KCTD16: variants seen among roughly 807,000 people sequenced by gnomAD.
KCTD16 encodes the protein BTB/POZ domain-containing protein KCTD16.
In KCTD16, 13 loss-of-function variants were observed where a neutral mutation model predicts 33.2. The ratio of observed to expected loss-of-function variants is 0.39; its 90% CI spans 0.25 to 0.62. The LOEUF (loss-of-function observed/expected upper bound fraction) is 0.62, where lower values mean the gene tolerates loss of function less well. Ranked by LOEUF, KCTD16 falls within the 20% of genes least tolerant of loss-of-function variation. The pLI, the probability that KCTD16 is intolerant of heterozygous loss-of-function variation, is 0.50. For synonymous variants in KCTD16, 197 were observed against 195.3 expected (o/e 1.01, Z -0.07); for missense variants, 441 against 525.1 (o/e 0.84, Z 1.57).
chr5:144,445,930 G>T (rs1355401709), intron 3 of KCTD16, among the ~76,000 whole-genome samples: 1 of 151,822 alleles, frequency 6.6e-6, no homozygotes, highest in African/African-American at 2.4e-5. Flanking sequence ...TTCTGTTTTT[G>T]GTCTTAAATT....
intron 3 of KCTD16, among the ~76,000 whole-genome samples, chr5:144,279,749 T>C (rs1755548978): frequency 1.3e-5 from 2 of 152,254 alleles, no homozygotes; most frequent in Admixed American, 1.3e-4. Context: ...TGGAACCTAA[T>C]CACCTTTTAA....
chr5:144,293,173 C>T (rs554406913), intron 3 of KCTD16, among the ~76,000 whole-genome samples: 2 of 152,310 alleles, frequency 1.3e-5, no homozygotes, highest in East Asian at 1.9e-4. Flanking sequence ...CTTGCACTCT[C>T]CTCTCGGAAG....
In KCTD16 at chr5:144,270,660, C is replaced by G. The variant is rs147438499; in HGVS notation, c.832+63114C>G. ...AAAAAAGGGCAAGCTAAACTCAAAGCTAGTAGACTAAAGGAAATAACAAAG... is the reference window on the plus strand; with the variant it reads ...AAAAAAGGGCAAGCTAAACTCAAAGGTAGTAGACTAAAGGAAATAACAAAG... On this transcript the variant is annotated intron_variant, in intron 3 of 3. Coordinates refer to ENST00000512467, the MANE Select transcript of KCTD16 (RefSeq NM_020768.4). Among the ~76,000 whole-genome samples the G allele has an allele frequency of 5.1e-3, 757 of 147,912 alleles. 10 individuals are homozygous for G. The highest frequency in any genetic ancestry group is 0.018 in the African/African-American group (721 of 40,698).
At chr5:144,357,408 G>A (rs977508931) in intron 3 of KCTD16, among the ~76,000 whole-genome samples, 7 of 152,188 alleles carry the variant, frequency 4.6e-5, no homozygotes, top group Non-Finnish European at 8.8e-5. Context: ...AATCTTAGGC[G>A]ATGTAGGATC....
At chr5:144,465,185 C>CG (rs1469408866) in intron 3 of KCTD16, among the ~76,000 whole-genome samples, 3 of 100,528 alleles carry the variant, frequency 3.0e-5, no homozygotes, top group Non-Finnish European at 2.0e-5. Flanking sequence ...TCTCTCTCCC[C>CG]CCCCTCTCTC....
intron 3 of KCTD16, among the ~76,000 whole-genome samples, chr5:144,212,253 A>C (rs1753420345): frequency 6.6e-6 from 1 of 152,128 alleles, no homozygotes; most frequent in Non-Finnish European, 1.5e-5. Context: ...GGCTTAATAG[A>C]ACAGTGATTT....
chr5:144,248,851 A>T (rs1388402591), intron 3 of KCTD16, among the ~76,000 whole-genome samples: 1 of 152,178 alleles, frequency 6.6e-6, no homozygotes, highest in African/African-American at 2.4e-5. Context: ...GGACATGTTG[A>T]GTTTGACATG....
intron 3 of KCTD16, among the ~76,000 whole-genome samples, chr5:144,399,902 T>C (rs187505478): frequency 3.7e-4 from 57 of 152,282 alleles, no homozygotes; most frequent in African/African-American, 1.3e-3. Flanking sequence ...ACTTCTTTTT[T>C]TGAGAATATA....
Position 144,327,193 on chromosome 5 carries a change from G to A in KCTD16, c.832+119647G>A, listed in dbSNP as rs140684298. On this transcript the variant is annotated intron_variant, in intron 3 of 3. Transcript: ENST00000512467. ...GTATTTTTTAAGGCTACATAATATT[G>A]GTGGCCTGCAGCTAAGAACCTATGT... Among the ~76,000 whole-genome samples the A allele has an allele frequency of 3.6e-3, 554 of 152,148 alleles. 3 individuals carry two copies. The highest frequency in any genetic ancestry group is 0.013 in the African/African-American group (534 of 41,536).
intron 3 of KCTD16, among the ~76,000 whole-genome samples, chr5:144,227,539 G>A (rs1162337601): frequency 6.6e-6 from 1 of 152,200 alleles, no homozygotes; most frequent in East Asian, 1.9e-4. Context: ...TGGGTTTTCA[G>A]CAGGTAAGTG....
intron 2 of KCTD16, among the ~76,000 whole-genome samples, chr5:144,192,400 C>T (rs1752860467): frequency 6.6e-6 from 1 of 152,144 alleles, no homozygotes; most frequent in African/African-American, 2.4e-5. Context: ...CAAGTTCTGC[C>T]TTTTTATAGT....
At chr5:144,209,126 C>T (rs911844140) in intron 3 of KCTD16, among the ~76,000 whole-genome samples, 2 of 152,100 alleles carry the variant, frequency 1.3e-5, no homozygotes, top group Admixed American at 6.5e-5. Context: ...CCATGTTCTC[C>T]GATTTTGAAT....
chr5:144,294,677 A>G (rs1398310959), intron 3 of KCTD16, among the ~76,000 whole-genome samples: 1 of 152,172 alleles, frequency 6.6e-6, no homozygotes, highest in African/African-American at 2.4e-5. Flanking sequence ...GGGTGGCAAA[A>G]TAGCTCAGTT....
At chr5:144,310,258 C>T (rs995254045) in intron 3 of KCTD16, among the ~76,000 whole-genome samples, 18 of 152,198 alleles carry the variant, frequency 1.2e-4, no homozygotes, top group African/African-American at 4.3e-4. Context: ...GAATAGTATA[C>T]CACTGTGTAT....
chr5:144,257,494 T>TC (rs1234463870), intron 3 of KCTD16, among the ~76,000 whole-genome samples: 1 of 151,956 alleles, frequency 6.6e-6, no homozygotes, highest in African/African-American at 2.4e-5. Context: ...AGTCATAGTT[T>TC]CTTTTTTTTT....
chr5:144,184,543 T>C (rs1374147186), intron 2 of KCTD16, among the ~76,000 whole-genome samples: 1 of 152,216 alleles, frequency 6.6e-6, no homozygotes, highest in Non-Finnish European at 1.5e-5. Context: ...TAGAATTGCC[T>C]GATCATATGG....
chr5:144,242,761 G>C (rs981498996), intron 3 of KCTD16, among the ~76,000 whole-genome samples: 1 of 152,018 alleles, frequency 6.6e-6, no homozygotes, highest in African/African-American at 2.4e-5. Context: ...GGAAGCAAGG[G>C]GAGGAGGAGG....
chr5:144,198,939 C>T (rs1162288068), intron 2 of KCTD16, among the ~76,000 whole-genome samples: 2 of 152,196 alleles, frequency 1.3e-5, no homozygotes, highest in African/African-American at 2.4e-5. Flanking sequence ...CTCTTTCAAA[C>T]TCTGTTCTGC....
At chr5:144,412,261 G>A (rs940314275) in intron 3 of KCTD16, among the ~76,000 whole-genome samples, 10 of 152,126 alleles carry the variant, frequency 6.6e-5, no homozygotes, top group Non-Finnish European at 1.3e-4. Context: ...GCCAAAATAT[G>A]GAATCAACCT....
Sources: gnomAD v4.1 joint callset for allele counts (sites outside exome capture counted in the v4.1 genomes callset) on GRCh38, gnomAD v4.1.1 for gene constraint, MANE v1.5 for transcripts, NCBI Gene and HGNC (gene_info 2026-07-23, HGNC 2026-07-21) for gene names.